The following THAP2 variants were observed in gnomAD, a reference collection of about 807,000 sequenced individuals.
The protein encoded by THAP2 is THAP domain containing 2.
Under a neutral mutation model 18.8 loss-of-function variants are expected in THAP2, and 16 were observed. That is an observed-to-expected ratio of 0.85 (90% CI 0.58 to 1.29). The LOEUF is 1.29. Ranked by LOEUF, THAP2 falls within the 50% of genes most tolerant of loss-of-function variation. THAP2 has a pLI of 0.00. For synonymous variants in THAP2, 80 were observed against 89.2 expected (o/e 0.90, Z 0.58); for missense variants, 251 against 265.3 (o/e 0.95, Z 0.38).
rs1401569231 is a variant in THAP2, at chr12:71,680,476, T to A, written c.*3368T>A. On this transcript the variant is annotated 3_prime_UTR_variant, in exon 3 of 3. Transcript: ENST00000308086. ...GAATACGGGTAGATTTTAATTTTGC[T>A]ATAATATAGGAAATGGTTCATCTTT... 6.6e-6 allele frequency: 1 copy of A among 152,642 alleles called. No individual in the cohort carries two copies. Among genetic ancestry groups the A allele is most frequent in the Non-Finnish European group, 1.5e-5 (1 of 68,026 alleles). The allele number at this position is 152,642 out of a possible 1,614,324, so 9.5% of individuals were successfully genotyped here.
At chr12:71,670,505 C>T (rs1275627683) in intron 1 of THAP2, among the ~76,000 whole-genome samples, 5 of 152,138 alleles carry the variant, frequency 3.3e-5, no homozygotes, top group Non-Finnish European at 7.4e-5. Flanking sequence ...AGTTGAAAAT[C>T]GGAGTATGAC....
Position 71,677,007 on chromosome 12 carries a change from A to G in THAP2, c.586A>G (p.Ser196Gly), listed in dbSNP as rs1881531908. ...TSEHMLPTALSSLPLEDFKIL... is the reference protein window; with the variant it reads ...TSEHMLPTALGSLPLEDFKIL... The stretch of plus-strand genomic sequence containing the variant: ...AGAACACATGTTACCAACTGCCTTA[A>G]GCAGTCTTCCTTTGGAAGATTTTAA... The change falls in exon 3 of 3, where the codon AGC becomes GGC. Residue 196 changes from serine (S) to glycine (G), a missense_variant. Coordinates refer to ENST00000308086, the MANE Select transcript of THAP2 (RefSeq NM_031435.4). 4 of 1,613,482 alleles carry G rather than the reference A, an allele frequency of 2.5e-6. No individual in the cohort carries two copies. In the South Asian group the frequency reaches 4.4e-5, roughly 18 times the overall value.
intron 1 of THAP2, among the ~76,000 whole-genome samples, chr12:71,668,820 A>G (rs949472887): frequency 3.3e-5 from 5 of 152,256 alleles, no homozygotes; most frequent in African/African-American, 4.8e-5. Context: ...AGATAAGAAT[A>G]TATCCTGTTA....
chr12:71,666,144 G>A (rs546176461), intron 1 of THAP2, among the ~76,000 whole-genome samples: 1 of 152,292 alleles, frequency 6.6e-6, no homozygotes, highest in South Asian at 2.1e-4. Flanking sequence ...ACAGATTGGA[G>A]AAATGTTCAA....
rs760520725 is a variant in THAP2 at position 71,676,943 on chromosome 12, G to T, written c.522G>T (p.Lys174Asn). The T allele has an allele frequency of 6.2e-7, 1 of 1,613,756 alleles. No homozygotes were observed. The highest frequency in any genetic ancestry group is 1.1e-5 in the South Asian group (1 of 91,058). Residue 174 changes from lysine (K) to asparagine (N), a missense_variant, in exon 3 of 3, where the codon AAG becomes AAT. Transcript: ENST00000308086. ...RRWIKATCLV[K>N]NLEANSVLPK... is the part of the protein sequence containing the mutation. ...GGATCAAAGCCACGTGTTTGGTAAA[G>T]AATTTAGAAGCAAATAGTGTATTAC...
rs1472181204 is a variant in THAP2, at chr12:71,664,519, A to G, written c.10A>G (p.Asn4Asp). The G allele has an allele frequency of 5.6e-6, 9 of 1,614,056 alleles. No individual in the cohort carries two copies. Among genetic ancestry groups the G allele is most frequent in the African/African-American group, 2.7e-5 (2 of 74,916 alleles). Residue 4 changes from asparagine to aspartate, a missense_variant, in exon 1 of 3, where the codon AAT becomes GAT. By Grantham distance (23) the Asn-to-Asp change is conservative. Coordinates refer to ENST00000308086, the MANE Select transcript of THAP2 (RefSeq NM_031435.4). MPT[N>D]CAAAGCATTY... is the part of the protein sequence containing the mutation. ...TGAGTGGGAAAGGGAAATGCCGACC[A>G]ATTGCGCTGCGGCGGGCTGTGCCAC...
chr12:71,676,980 T>C lies in THAP2; in HGVS notation c.559T>C (p.Ser187Pro). 1 of 1,613,690 alleles carries C rather than the reference T, an allele frequency of 6.2e-7. No individual in the cohort carries two copies. The highest frequency in any genetic ancestry group is 1.6e-4 in the Middle Eastern group (1 of 6,062). ...AAATAGTGTATTACCTAAAGGTACA[T>C]CAGAACACATGTTACCAACTGCCTT... ...EANSVLPKGTSEHMLPTALSS... is the reference protein window; with the variant it reads ...EANSVLPKGTPEHMLPTALSS... The change falls in exon 3 of 3, where the codon TCA (serine) becomes CCA (proline). Residue 187 changes from serine (S) to proline (P), a missense_variant. By Grantham distance (74) the Ser-to-Pro change is moderately conservative. Coordinates refer to ENST00000308086, the MANE Select transcript of THAP2 (RefSeq NM_031435.4).
At position 71,676,949 on chromosome 12, in the gene THAP2, A is replaced by G; in HGVS notation, c.528A>G (p.Leu176=). 1 of 1,613,820 alleles carries G rather than the reference A, an allele frequency of 6.2e-7. No homozygotes were observed. The highest frequency in any genetic ancestry group is 2.2e-5 in the East Asian group (1 of 44,858). ...AAGCCACGTGTTTGGTAAAGAATTT[A>G]GAAGCAAATAGTGTATTACCTAAAG... The part of the protein sequence containing the change: ...WIKATCLVKN[L]EANSVLPKGT... Residue 176 remains leucine (L), a synonymous_variant, in exon 3 of 3, where the codon TTA becomes TTG. Coordinates refer to ENST00000308086, the MANE Select transcript of THAP2 (RefSeq NM_031435.4).
In THAP2 at chr12:71,664,523, G is replaced by A. The variant is rs768765931; in HGVS notation, c.14G>A (p.Cys5Tyr). ...TGGGAAAGGGAAATGCCGACCAATT[G>A]CGCTGCGGCGGGCTGTGCCACTACC... MPTN[C>Y]AAAGCATTYN... The change falls in exon 1 of 3, where the codon TGC becomes TAC. Residue 5 changes from cysteine to tyrosine, a missense_variant. By Grantham distance (194) the Cys-to-Tyr change is radical (BLOSUM62 -2). Transcript: ENST00000308086. The A allele has an allele frequency of 1.2e-6, 2 of 1,614,184 alleles. No homozygotes were observed. Among genetic ancestry groups the A allele is most frequent in the East Asian group, 2.2e-5 (1 of 44,888 alleles).
chr12:71,664,423 C>T lies in THAP2; in HGVS notation c.-87C>T. ...GCTCTCACGATTAAGGCACGCCTGC[C>T]TCGATTGTCCAGCCTCTGCCAGAAG... is the stretch of plus-strand genomic sequence containing the variant. On this transcript the variant is annotated 5_prime_UTR_variant, in exon 1 of 3. Coordinates refer to ENST00000308086, the MANE Select transcript of THAP2 (RefSeq NM_031435.4). The T allele has an allele frequency of 1.3e-6, 2 of 1,549,978 alleles. No individual in the cohort carries two copies. Among genetic ancestry groups the T allele is most frequent in the African/African-American group, 1.4e-5 (1 of 73,770 alleles).
At chr12:71,676,631 G>A in intron 2 of THAP2, 58 bp from the exon 3 acceptor site, 1 of 1,510,142 alleles carries the variant, frequency 6.6e-7, no homozygotes, top group Non-Finnish European at 8.9e-7. Context: ...TGGACACTAT[G>A]TGCTTATTTG....
rs943897977 is a variant in THAP2 at position 71,677,098 on chromosome 12, C to T, written c.677C>T (p.Thr226Ile). Residue 226 changes from threonine (T) to isoleucine (I), a missense_variant, in exon 3 of 3, where the codon ACC (threonine) becomes ATC (isoleucine). By Grantham distance (89) the Thr-to-Ile change is moderately conservative (BLOSUM62 -1). Transcript: ENST00000308086. ...LSLNLKQTKSTFI is the reference protein window; with the variant it reads ...LSLNLKQTKSIFI ...CTAAATCTAAAACAGACCAAGAGTA[C>T]CTTCATTTAAATTTAGCTTGCACAG... 1 of 1,580,880 alleles carries T rather than the reference C, an allele frequency of 6.3e-7. No individual in the cohort carries two copies. The highest frequency in any genetic ancestry group is 1.8e-5 in the Admixed American group (1 of 54,828).
rs115855299 is a variant in THAP2, at chr12:71,669,247, A to G, written c.71+4667A>G. On this transcript the variant is annotated intron_variant, in intron 1 of 2. Transcript: ENST00000308086. The stretch of plus-strand genomic sequence containing the variant: ...AAAGTAAACAAAAAACTGTGCTATC[A>G]GTGCTATAGCGACATCTAACCCAGT... Among the ~76,000 whole-genome samples the G allele has an allele frequency of 9.4e-3, 1,430 of 152,366 alleles. 18 individuals carry two copies. Among genetic ancestry groups the G allele is most frequent in the African/African-American group, 0.033 (1,364 of 41,584 alleles).
intron 2 of THAP2, among the ~76,000 whole-genome samples, chr12:71,675,824 TG>T (rs2137582239): frequency 6.6e-6 from 1 of 152,214 alleles, no homozygotes; most frequent in Admixed American, 6.5e-5. Context: ...AAGAATAATT[TG>T]GCCAGAATGG....
chr12:71,664,386 T>G lies in THAP2; in HGVS notation c.-124T>G. On this transcript the variant is annotated 5_prime_UTR_variant, in exon 1 of 3. Coordinates refer to ENST00000308086, the MANE Select transcript of THAP2 (RefSeq NM_031435.4). The stretch of plus-strand genomic sequence containing the variant: ...TACACACCCCTTCTTCCCACTCCGC[T>G]CTCACGACTAAGCTCTCACGATTAA... 8.5e-7 allele frequency: 1 copy of G among 1,176,918 alleles called. No individual in the cohort carries two copies. 72.9% of individuals were successfully genotyped at this position (1,176,918 alleles called of 1,614,324 possible). A position where few individuals can be genotyped will look rare whatever the true frequency, so the allele number is the denominator to read the frequency against.
In THAP2 at chr12:71,664,518, C is replaced by T; in HGVS notation, c.9C>T (p.Thr3=). 1 of 1,614,162 alleles carries T rather than the reference C, an allele frequency of 6.2e-7. No individual in the cohort carries two copies. Among genetic ancestry groups the T allele is most frequent in the Non-Finnish European group, 8.5e-7 (1 of 1,180,022 alleles). Residue 3 remains threonine, a synonymous_variant, in exon 1 of 3, where the codon ACC becomes ACT. Transcript: ENST00000308086. MP[T]NCAAAGCATT... is the part of the protein sequence containing the mutation. ...ATGAGTGGGAAAGGGAAATGCCGACCAATTGCGCTGCGGCGGGCTGTGCCA... is the reference window on the plus strand; with the variant it reads ...ATGAGTGGGAAAGGGAAATGCCGACTAATTGCGCTGCGGCGGGCTGTGCCA...
At chr12:71,671,007 G>A (rs1334061476) in intron 1 of THAP2, among the ~76,000 whole-genome samples, 1 of 151,642 alleles carries the variant, frequency 6.6e-6, no homozygotes, top group Non-Finnish European at 1.5e-5. Context: ...TCACTATAAA[G>A]GTCTTCATCC....
intron 2 of THAP2, among the ~76,000 whole-genome samples, chr12:71,674,683 A>T (rs1451606043): frequency 2.0e-5 from 3 of 152,032 alleles, no homozygotes; most frequent in Non-Finnish European, 4.4e-5. Context: ...GAGTAATGAA[A>T]CCTCCAGCAT....
chr12:71,675,051 T>G (rs1024089897), intron 2 of THAP2, among the ~76,000 whole-genome samples: 2 of 152,016 alleles, frequency 1.3e-5, no homozygotes, highest in Non-Finnish European at 2.9e-5. Flanking sequence ...ATGAATGAAT[T>G]AAAACAATGT....
Sources: gnomAD v4.1 joint callset for allele counts (sites outside exome capture counted in the v4.1 genomes callset) on GRCh38, gnomAD v4.1.1 for gene constraint, MANE v1.5 for transcripts, NCBI Gene and HGNC (gene_info 2026-07-23, HGNC 2026-07-21) for gene names.